ILDR2: variants seen among roughly 807,000 people sequenced by gnomAD.
The protein encoded by ILDR2 is immunoglobulin like domain containing receptor 2.
ILDR2 carries 25 observed loss-of-function variants against 66.8 expected under a neutral mutation model. The observed-to-expected ratio is 0.37, with a 90% CI of 0.27 to 0.52. The LOEUF (loss-of-function observed/expected upper bound fraction) is 0.52, where lower values mean the gene tolerates loss of function less well. Among genes scored for constraint, ILDR2 ranks in the 20% least tolerant of loss-of-function variants. The pLI, the probability that ILDR2 is intolerant of heterozygous loss-of-function variation, is 0.88. For missense variants in ILDR2, 827 were observed against 876.8 expected (o/e 0.94, Z 0.72); for synonymous variants, 367 against 357.2 (o/e 1.03, Z -0.31).
rs1440605142 is a variant in ILDR2 at position 166,923,692 on chromosome 1, G to A, written c.995-883C>T. Among the ~76,000 whole-genome samples the A allele has an allele frequency of 4.6e-5, 7 of 152,170 alleles. No individual in the cohort carries two copies. In the East Asian group the frequency reaches 1.3e-3, roughly 29 times the overall value. On this transcript the variant is annotated intron_variant, in intron 7 of 9. Transcript: ENST00000271417. ...CACAGCTTTCTAATTTCCTAAAGTGGCCTAAGTAGCTTTTTGCAAAAGCAC... is the reference window on the plus strand; with the variant it reads ...CACAGCTTTCTAATTTCCTAAAGTGACCTAAGTAGCTTTTTGCAAAAGCAC...
rs551393606 is a variant in ILDR2, at chr1:166,919,237, C to G, written c.*118G>C. ...TGCCATCCCTTGCCAAAGCAGAGAT[C>G]AGCAAATCTTCCAAGGTGATGGCCA... On this transcript the variant is annotated 3_prime_UTR_variant, in exon 10 of 10. Coordinates refer to ENST00000271417, the MANE Select transcript of ILDR2 (RefSeq NM_199351.3). 2 of 950,308 alleles carry G rather than the reference C, an allele frequency of 2.1e-6. No homozygotes were observed. The highest frequency in any genetic ancestry group is 5.3e-5 in the East Asian group (2 of 37,728). 58.9% of individuals were successfully genotyped at this position (950,308 alleles called of 1,614,324 possible). A position where few individuals can be genotyped will look rare whatever the true frequency, so the allele number is the denominator to read the frequency against.
intron 1 of ILDR2, among the ~76,000 whole-genome samples, chr1:166,962,184 C>T (rs1303262068): frequency 1.3e-5 from 2 of 152,150 alleles, no homozygotes; most frequent in African/African-American, 4.8e-5. Context: ...CCAAGTTTAT[C>T]GGGACCCCCA....
intron 1 of ILDR2, among the ~76,000 whole-genome samples, chr1:166,965,967 A>G (rs1662926469): frequency 6.6e-6 from 1 of 152,166 alleles, no homozygotes; most frequent in African/African-American, 2.4e-5. Flanking sequence ...AGACAAGGAA[A>G]GAAAGCTTGT....
chr1:166,939,911 G>A (rs1475682475), intron 3 of ILDR2, among the ~76,000 whole-genome samples: 2 of 152,204 alleles, frequency 1.3e-5, no homozygotes, highest in African/African-American at 4.8e-5. Context: ...TCATTGGAAA[G>A]TCAAGCCCGT....
At position 166,960,154 on chromosome 1, in the gene ILDR2, G is replaced by C. The variant is rs563758960; in HGVS notation, c.47-2053C>G. 2.0e-5 allele frequency among the ~76,000 whole-genome samples: 3 copies of C among 152,292 alleles called. No homozygotes were observed. In the South Asian group the frequency reaches 6.2e-4, roughly 32 times the overall value. On this transcript the variant is annotated intron_variant, in intron 1 of 9. Coordinates refer to ENST00000271417, the MANE Select transcript of ILDR2 (RefSeq NM_199351.3). ...AATGAAAGGAACAATGAAAAAGTAG[G>C]TCCTAATTCCTGTTGGGGAAAAGGG...
At chr1:166,920,239 A>G (rs1386790184) in intron 9 of ILDR2, among the ~76,000 whole-genome samples, 1 of 152,150 alleles carries the variant, frequency 6.6e-6, no homozygotes, top group African/African-American at 2.4e-5. Context: ...CTTCTCTGGG[A>G]TGTGGGTTCT....
At chr1:166,942,541 C>A (rs766993638) in intron 3 of ILDR2, among the ~76,000 whole-genome samples, 1 of 152,202 alleles carries the variant, frequency 6.6e-6, no homozygotes, top group Non-Finnish European at 1.5e-5. Flanking sequence ...TTTTAAAACA[C>A]TGGGTGAGCC....
intron 1 of ILDR2, among the ~76,000 whole-genome samples, chr1:166,962,279 A>G (rs1253894010): frequency 1.3e-5 from 2 of 152,146 alleles, no homozygotes; most frequent in Non-Finnish European, 2.9e-5. Flanking sequence ...ACAACTGGGC[A>G]GCATCTCTTT....
intron 2 of ILDR2, among the ~76,000 whole-genome samples, chr1:166,957,160 G>A (rs936274660): frequency 2.6e-5 from 4 of 152,228 alleles, no homozygotes; most frequent in African/African-American, 7.2e-5. Flanking sequence ...TAAGAGCCAG[G>A]AAAATGCCAG....
chr1:166,929,963 G>T (rs1046210227), intron 6 of ILDR2, among the ~76,000 whole-genome samples: 1 of 152,066 alleles, frequency 6.6e-6, no homozygotes, highest in African/African-American at 2.4e-5. Context: ...CTGGAGCTGT[G>T]GTTTTATCTA....
At chr1:166,947,781 T>C (rs1345558196) in intron 3 of ILDR2, among the ~76,000 whole-genome samples, 3 of 152,096 alleles carry the variant, frequency 2.0e-5, no homozygotes, top group African/African-American at 7.2e-5. Flanking sequence ...CCGCCAGGAA[T>C]GCGCGCTAAT....
intron 2 of ILDR2, among the ~76,000 whole-genome samples, chr1:166,898,412 G>A (rs1659206665): frequency 6.6e-6 from 1 of 152,138 alleles, no homozygotes; most frequent in Non-Finnish European, 1.5e-5. Context: ...CCACCCCAAA[G>A]CTATTCTTTT....
rs558724765 is a variant in ILDR2 at position 166,914,662 on chromosome 1, C to G, written c.*4693G>C. 1 of 152,244 alleles carries G rather than the reference C, an allele frequency of 6.6e-6. No individual in the cohort carries two copies. Among genetic ancestry groups the G allele is most frequent in the Non-Finnish European group, 1.5e-5 (1 of 68,052 alleles). The allele number at this position is 152,244 out of a possible 1,614,324, so 9.4% of individuals were successfully genotyped here. A position where few individuals can be genotyped will look rare whatever the true frequency, so the allele number is the denominator to read the frequency against. On this transcript the variant is annotated 3_prime_UTR_variant, in exon 10 of 10. Coordinates refer to ENST00000271417, the MANE Select transcript of ILDR2 (RefSeq NM_199351.3). ...CTGCTTAAAGCATCTCAACACTGCC[C>G]TTGCACCACTCTGATGTTAAATGCC...
intron 9 of ILDR2, 38 bp from the exon 10 acceptor site, chr1:166,919,428 T>C: frequency 3.2e-6 from 5 of 1,582,344 alleles, no homozygotes; most frequent in African/African-American, 1.3e-5. Context: ...TTAAGCCACA[T>C]GCTAGTTAAA....
intron 7 of ILDR2, 131 bp downstream of exon 7, chr1:166,926,936 A>G (rs1001980534): frequency 1.9e-5 from 11 of 567,840 alleles, no homozygotes; most frequent in Non-Finnish European, 3.4e-5. Context: ...TTTCTTCAGT[A>G]GTGTCACCAG....
intron 3 of ILDR2, among the ~76,000 whole-genome samples, chr1:166,939,924 G>T (rs1292729261): frequency 6.6e-6 from 1 of 152,228 alleles, no homozygotes; most frequent in Non-Finnish European, 1.5e-5. Flanking sequence ...AAGCCCGTCT[G>T]TATCCAAATG....
intron 2 of ILDR2, among the ~76,000 whole-genome samples, chr1:166,897,028 G>A (rs1215399662): frequency 3.9e-5 from 6 of 152,144 alleles, no homozygotes; most frequent in Admixed American, 1.3e-4. Flanking sequence ...GCTGCTATAC[G>A]CAATTGGGAA....
chr1:166,942,284 G>A (rs1201305144), intron 3 of ILDR2, among the ~76,000 whole-genome samples: 3 of 152,158 alleles, frequency 2.0e-5, no homozygotes, highest in Non-Finnish European at 4.4e-5. Flanking sequence ...TCAGTGATTG[G>A]AGTTAAAAAC....
intron 6 of ILDR2, among the ~76,000 whole-genome samples, chr1:166,934,741 G>A (rs1660841399): frequency 6.6e-6 from 1 of 152,222 alleles, no homozygotes; most frequent in African/African-American, 2.4e-5. Context: ...CCCACTTGGG[G>A]TGCTCAGCAT....
Sources: gnomAD v4.1 joint callset for allele counts (sites outside exome capture counted in the v4.1 genomes callset) on GRCh38, gnomAD v4.1.1 for gene constraint, MANE v1.5 for transcripts, NCBI Gene and HGNC (gene_info 2026-07-23, HGNC 2026-07-21) for gene names.